Variants in MACF1 observed in about 807,000 individuals in gnomAD.
MACF1 encodes the protein microtubule-actin cross-linking factor 1.
In MACF1, 193 loss-of-function variants were observed where a neutral mutation model predicts 854.8. The observed-to-expected ratio is 0.23, with a 90% confidence interval of 0.20 to 0.25. The LOEUF is 0.25. MACF1 is among the 10% of genes least tolerant of loss of function. MACF1 has a pLI of 1.00. For synonymous variants in MACF1, 3,185 were observed against 3,226.7 expected, an observed-to-expected ratio of 0.99 and a Z score of 0.44; for missense variants, 7,722 against 8,929.1, an observed-to-expected ratio of 0.86 and a Z score of 5.45.
At chr1:39,123,194 T>C (rs1188500467) in intron 2 of MACF1, among the ~76,000 whole-genome samples, 3 of 134,278 alleles carry the variant, frequency 2.2e-5, no homozygotes. Context: ...TAGATACATA[T>C]ATATATAAAT....
At chr1:39,390,843 C>A (rs975985016) in intron 58 of MACF1, among the ~76,000 whole-genome samples, 5 of 152,098 alleles carry the variant, frequency 3.3e-5, no homozygotes, top group African/African-American at 7.2e-5. Flanking sequence ...TGCGGTGGCT[C>A]ACGCCTGTAA....
chr1:39,384,403 CATTT>C (rs1650510398), intron 56 of MACF1, among the ~76,000 whole-genome samples: 1 of 152,072 alleles, frequency 6.6e-6, no homozygotes, highest in Non-Finnish European at 1.5e-5. Flanking sequence ...TAAATTATCT[CATTT>C]AATCCTTATA....
At chr1:39,259,527 G>T (rs772878596) in intron 6 of MACF1, among the ~76,000 whole-genome samples, 9 of 152,238 alleles carry the variant, frequency 5.9e-5, no homozygotes, top group Non-Finnish European at 1.2e-4. Flanking sequence ...CTCCCAAAGT[G>T]TTGGGATTAC....
chr1:39,427,372 CTA>C (rs1643760833), intron 61 of MACF1, 81 bp from the exon 62 acceptor site: 4 of 1,166,418 alleles, frequency 3.4e-6, no homozygotes, highest in Middle Eastern at 2.3e-4. Context: ...CTGGAAAAGA[CTA>C]TTCTTTTACT....
chr1:39,192,846 G>A (rs118061041), intron 2 of MACF1, among the ~76,000 whole-genome samples: 3,493 of 152,248 alleles, frequency 0.023, 79 homozygotes, highest in East Asian at 0.13. Flanking sequence ...CTTTATGGGC[G>A]AAGCGCAGTG....
intron 91 of MACF1, chr1:39,459,864 T>G: frequency 7.7e-7 from 1 of 1,302,752 alleles, no homozygotes; most frequent in Non-Finnish European, 1.0e-6. Context: ...TATTTTTTCC[T>G]TAGGTCAGTT....
chr1:39,164,230 T>A (rs1465241050), intron 2 of MACF1, among the ~76,000 whole-genome samples: 1 of 152,234 alleles, frequency 6.6e-6, no homozygotes, highest in Admixed American at 6.5e-5. Context: ...TGATTTTTTT[T>A]AAGGATGGAT....
At chr1:39,144,853 C>T (rs951474739) in intron 2 of MACF1, among the ~76,000 whole-genome samples, 1 of 152,092 alleles carries the variant, frequency 6.6e-6, no homozygotes, top group Non-Finnish European at 1.5e-5. Flanking sequence ...CGTGCAATTG[C>T]TCCATTCCTC....
intron 2 of MACF1, among the ~76,000 whole-genome samples, chr1:39,111,937 C>A (rs1200787857): frequency 6.6e-6 from 1 of 152,122 alleles, no homozygotes; most frequent in Non-Finnish European, 1.5e-5. Flanking sequence ...ACTCTGCACA[C>A]CCAACTATAC....
chr1:39,233,797 T>TTA (rs1491548281), intron 2 of MACF1, among the ~76,000 whole-genome samples: 3 of 78,828 alleles, frequency 3.8e-5, no homozygotes, highest in Non-Finnish European at 5.7e-5. Flanking sequence ...TTTTTTTTTT[T>TTA]ATTTATTTTT....
chr1:39,369,219 A>G (rs1360766863), intron 50 of MACF1, among the ~76,000 whole-genome samples: 1 of 152,138 alleles, frequency 6.6e-6, no homozygotes, highest in Non-Finnish European at 1.5e-5. Flanking sequence ...AAGGGAATAT[A>G]TGACAAGGCT....
Position 39,388,427 on chromosome 1 carries a change from G to C in MACF1, c.15585G>C (p.Leu5195Phe). 1 of 1,614,098 alleles carries C rather than the reference G, an allele frequency of 6.2e-7. No individual in the cohort carries two copies. Among genetic ancestry groups the C allele is most frequent in the South Asian group, 1.1e-5 (1 of 91,080 alleles). ...TAGAAGAAGAGGGGACTCTGGATTT[G>C]TTAGGTCTCAAAAGGGAGCTAGAAG... is the stretch of plus-strand genomic sequence containing the variant. ...HMLEEEGTLDLLGLKRELEAL... is the reference protein window; with the variant it reads ...HMLEEEGTLDFLGLKRELEAL... The change falls in exon 58 of 101, where the codon TTG becomes TTC. Residue 5195 changes from leucine (L) to phenylalanine (F), a missense_variant. By Grantham distance (22) the Leu-to-Phe change is conservative. Coordinates refer to ENST00000564288, the MANE Select transcript of MACF1 (RefSeq NM_001394062.1).
intron 2 of MACF1, among the ~76,000 whole-genome samples, chr1:39,236,052 T>G (rs1235357704): frequency 6.6e-6 from 1 of 152,254 alleles, no homozygotes; most frequent in Non-Finnish European, 1.5e-5. Context: ...TCAGACATTC[T>G]GTATACTAAG....
chr1:39,360,224 C>G (rs537813291), intron 47 of MACF1, among the ~76,000 whole-genome samples: 4 of 151,162 alleles, frequency 2.6e-5, no homozygotes, highest in African/African-American at 9.7e-5. Context: ...CCATCCCACT[C>G]CTCAAAAGAA....
At chr1:39,149,276 G>C (rs544750391) in intron 2 of MACF1, among the ~76,000 whole-genome samples, 37 of 152,076 alleles carry the variant, frequency 2.4e-4, no homozygotes, top group Non-Finnish European at 3.5e-4. Context: ...GCACACCTGT[G>C]ATCCCAGCAC....
At chr1:39,381,849 A>T in intron 55 of MACF1, 104 bp from the exon 56 acceptor site, 1 of 807,628 alleles carries the variant, frequency 1.2e-6, no homozygotes, top group East Asian at 2.4e-5. Context: ...TAAATAAATA[A>T]CGCTTCTGGG....
chr1:39,168,613 G>A (rs1022711127), intron 2 of MACF1, among the ~76,000 whole-genome samples: 9 of 152,128 alleles, frequency 5.9e-5, no homozygotes, highest in Non-Finnish European at 1.0e-4. Flanking sequence ...GATTACAGGC[G>A]TGAGCCACTG....
chr1:39,161,671 G>C (rs1320997391), intron 2 of MACF1, among the ~76,000 whole-genome samples: 3 of 151,940 alleles, frequency 2.0e-5, no homozygotes, highest in African/African-American at 7.2e-5. Context: ...TTGAGACCAG[G>C]CTGGCCAATA....
At position 39,484,634 on chromosome 1, in the gene MACF1, C is replaced by T. The variant is rs1645072015; in HGVS notation, c.22315C>T (p.Pro7439Ser). 1 of 1,613,702 alleles carries T rather than the reference C, an allele frequency of 6.2e-7. No homozygotes were observed. Among genetic ancestry groups the T allele is most frequent in the African/African-American group, 1.3e-5 (1 of 74,844 alleles). The change falls in exon 100 of 101, where the codon CCA (proline) becomes TCA (serine). Residue 7439 changes from proline (P) to serine (S), a missense_variant. Around this residue, in one of 15 missense-constraint regions of MACF1, gnomAD observed 185 missense variants for 225.7 expected, o/e 0.82. Coordinates refer to ENST00000564288, the MANE Select transcript of MACF1 (RefSeq NM_001394062.1). ...ATCATCAGGTAGCAAGTTGAAACGA[C>T]CAACACCAACTTTTCATTCTAGTCG... ...IPSSGSKLKR[P>S]TPTFHSSRTS...
Sources: gnomAD v4.1 joint callset for allele counts (sites outside exome capture counted in the v4.1 genomes callset) on GRCh38, gnomAD v4.1.1 for gene constraint, gnomAD v4.1.1 regional missense constraint, MANE v1.5 for transcripts, NCBI Gene and HGNC (gene_info 2026-07-23, HGNC 2026-07-21) for gene names.